Variants in DST observed in about 807,000 individuals in gnomAD.
DST encodes dystonin.
DST carries 253 observed loss-of-function variants against 875.2 expected under a neutral mutation model. The observed-to-expected ratio is 0.29, with a 90% CI of 0.26 to 0.32. The LOEUF (loss-of-function observed/expected upper bound fraction) is 0.32, where lower values mean the gene tolerates loss of function less well. DST is among the 10% of genes least tolerant of loss of function. The pLI, the probability that DST is intolerant of heterozygous loss-of-function variation, is 1.00. For missense variants in DST, 8,287 were observed against 9,111.6 expected, an observed-to-expected ratio of 0.91 and a Z score of 3.68; for synonymous variants, 3,124 against 3,197.1, an observed-to-expected ratio of 0.98 and a Z score of 0.77.
intron 3 of DST, among the ~76,000 whole-genome samples, chr6:56,870,658 G>T (rs1441800638): frequency 6.6e-6 from 1 of 151,962 alleles, no homozygotes; most frequent in Non-Finnish European, 1.5e-5. Flanking sequence ...AGCTACTCGG[G>T]AGGCTGAGGC....
At chr6:56,703,155 G>A (rs1411552907) in intron 7 of DST, among the ~76,000 whole-genome samples, 1 of 152,144 alleles carries the variant, frequency 6.6e-6, no homozygotes, top group Non-Finnish European at 1.5e-5. Flanking sequence ...ATATATTAGA[G>A]AGGTAAAACA....
At position 56,601,543 on chromosome 6, in the gene DST, G is replaced by C; in HGVS notation, c.11441C>G (p.Thr3814Arg). 1 of 1,605,238 alleles carries C rather than the reference G, an allele frequency of 6.2e-7. No individual in the cohort carries two copies. Among genetic ancestry groups the C allele is most frequent in the South Asian group, 1.1e-5 (1 of 89,588 alleles). Reference sequence around the variant, plus strand: ...TACATCAAGAAAACACTTCTGAGTTGTATTTAAGAGCCTCAGCAGTTGTTT... The same window carrying C: ...TACATCAAGAAAACACTTCTGAGTTCTATTTAAGAGCCTCAGCAGTTGTTT... ...QSKQLLRLLN[T>R]TQKCFLDVQE... The change falls in exon 44 of 104, where the codon ACA (threonine) becomes AGA (arginine). Residue 3814 changes from threonine (T) to arginine (R), a missense_variant. Transcript: ENST00000680361.
intron 69 of DST, among the ~76,000 whole-genome samples, chr6:56,518,143 G>A (rs2096631272): frequency 1.3e-5 from 2 of 152,078 alleles, no homozygotes; most frequent in Non-Finnish European, 2.9e-5. Flanking sequence ...ACCCCTAAAT[G>A]ATTCATGTAT....
chr6:56,620,993 CAAG>C (rs921652738), intron 36 of DST, among the ~76,000 whole-genome samples: 1 of 152,020 alleles, frequency 6.6e-6, no homozygotes, highest in African/African-American at 2.4e-5. Context: ...AATTTTATAG[CAAG>C]AAGGGAATTT....
In DST at chr6:56,604,683, T is replaced by A. The variant is rs780549900; in HGVS notation, c.9945A>T (p.Glu3315Asp). The change falls in exon 40 of 104, where the codon GAA (glutamate) becomes GAT (aspartate). Residue 3315 changes from glutamate to aspartate, a missense_variant. Glu to Asp is a conservative substitution (Grantham distance 45). Around this residue, in one of 10 missense-constraint regions of DST, gnomAD observed 3,138 missense variants for 3,116.6 expected, o/e 1.01. Coordinates refer to ENST00000680361, the MANE Select transcript of DST (RefSeq NM_001374736.1). ...CAATTCTTTCTTTCTTATTATTAAT[T>A]TCTAAGAATGAATAGTCAGTATTTA... ...NTLNTDYSFL[E>D]INNKKERIEQ... 3.7e-6 allele frequency: 6 copies of A among 1,611,788 alleles called. No individual in the cohort carries two copies. The Admixed American group carries it at 8.4e-5, about 22-fold the overall frequency.
At chr6:56,562,286 A>G in intron 55 of DST, 86 bp from the exon 56 acceptor site, 1 of 655,838 alleles carries the variant, frequency 1.5e-6, no homozygotes, top group Non-Finnish European at 2.3e-6. Context: ...AAACCCCATC[A>G]ACAGTAATCA....
chr6:56,911,383 T>C (rs1249867879), intron 2 of DST, among the ~76,000 whole-genome samples: 1 of 152,158 alleles, frequency 6.6e-6, no homozygotes, highest in Admixed American at 6.6e-5. Flanking sequence ...CAGACCAAAC[T>C]TTGAGTAACA....
chr6:56,792,859 G>A (rs2099730253), intron 4 of DST, among the ~76,000 whole-genome samples: 1 of 151,984 alleles, frequency 6.6e-6, no homozygotes, highest in Admixed American at 6.6e-5. Flanking sequence ...CTTGAGCTCA[G>A]GAGTTTGAGA....
chr6:56,500,844 T>G (rs1385513436), intron 80 of DST, among the ~76,000 whole-genome samples: 1 of 152,162 alleles, frequency 6.6e-6, no homozygotes, highest in Non-Finnish European at 1.5e-5. Context: ...TGCTCATCCT[T>G]GTTTTGTTTG....
intron 69 of DST, among the ~76,000 whole-genome samples, chr6:56,520,634 A>G (rs2096678287): frequency 6.6e-6 from 1 of 152,156 alleles, no homozygotes; most frequent in Admixed American, 6.6e-5. Context: ...AATTTTAATA[A>G]GACATTGTAT....
At position 56,601,641 on chromosome 6, in the gene DST, C is replaced by G. The variant is rs538767601; in HGVS notation, c.11343G>C (p.Gln3781His). 19 of 1,590,846 alleles carry G rather than the reference C, an allele frequency of 1.2e-5. No individual in the cohort carries two copies. The East Asian group carries it at 4.3e-4, about 36-fold the overall frequency. Residue 3781 changes from glutamine to histidine, a missense_variant, in exon 44 of 104, where the codon CAG (glutamine) becomes CAC (histidine). By Grantham distance (24) the Gln-to-His change is conservative (BLOSUM62 0). Coordinates refer to ENST00000680361, the MANE Select transcript of DST (RefSeq NM_001374736.1). ...GCACATCAAAGGCAGTAGTCTCCAGCTGCATTTTGGTATGTCCAAGGTCTT... is the reference window on the plus strand; with the variant it reads ...GCACATCAAAGGCAGTAGTCTCCAGGTGCATTTTGGTATGTCCAAGGTCTT... The part of the protein sequence containing the change: ...VLKDLGHTKM[Q>H]LETTAFDVQF...
Position 56,640,294 on chromosome 6 carries a change from G to A in DST, c.2339C>T (p.Ser780Leu), listed in dbSNP as rs2098880471. Residue 780 changes from serine (S) to leucine (L), a missense_variant, in exon 18 of 104, where the codon TCA becomes TTA. Physicochemically the swap from Ser to Leu is moderately radical, Grantham distance 145. Transcript: ENST00000680361. The part of the protein sequence containing the change: ...FPSGLVPNFS[S>L]GVEPNSLQTL... Reference sequence around the variant, plus strand: ...TTGCAATGAATTTGGCTCTACTCCTGAACTGAAATTTGGAACTAATCCTGA... The same window carrying A: ...TTGCAATGAATTTGGCTCTACTCCTAAACTGAAATTTGGAACTAATCCTGA... 6.2e-7 allele frequency: 1 copy of A among 1,614,022 alleles called. No individual in the cohort carries two copies. Among genetic ancestry groups the A allele is most frequent in the African/African-American group, 1.3e-5 (1 of 74,914 alleles).
chr6:56,611,126 G>C (rs1192826148), intron 38 of DST, among the ~76,000 whole-genome samples: 1 of 152,042 alleles, frequency 6.6e-6, no homozygotes, highest in East Asian at 1.9e-4. Context: ...GAGAAACGAG[G>C]CTGCCATAGG....
chr6:56,686,584 A>G (rs1261194525), intron 9 of DST, among the ~76,000 whole-genome samples: 3 of 152,198 alleles, frequency 2.0e-5, no homozygotes, highest in African/African-American at 7.2e-5. Flanking sequence ...TAACTATGGA[A>G]TTTGAAGAAT....
Position 56,651,213 on chromosome 6 carries a change from C to T in DST, c.1246G>A (p.Val416Ile), listed in dbSNP as rs1353708685. ...PDLIDMNTVAVQSNLANLEHA... is the reference protein window; with the variant it reads ...PDLIDMNTVAIQSNLANLEHA... ...TCTAAATTTGCAAGGTTGCTTTGAACAGCAACAGTATTCATATCTATCAGG... is the reference window on the plus strand; with the variant it reads ...TCTAAATTTGCAAGGTTGCTTTGAATAGCAACAGTATTCATATCTATCAGG... Residue 416 changes from valine (V) to isoleucine (I), a missense_variant, in exon 11 of 104, where the codon GTT (valine) becomes ATT (isoleucine). By Grantham distance (29) the Val-to-Ile change is conservative (BLOSUM62 3). Transcript: ENST00000680361. The T allele has an allele frequency of 2.5e-6, 4 of 1,609,990 alleles. No individual in the cohort carries two copies. Among genetic ancestry groups the T allele is most frequent in the Non-Finnish European group, 2.5e-6 (3 of 1,178,030 alleles).
At chr6:56,683,775 T>C (rs1379865209) in intron 9 of DST, among the ~76,000 whole-genome samples, 2 of 152,216 alleles carry the variant, frequency 1.3e-5, no homozygotes, top group African/African-American at 4.8e-5. Flanking sequence ...GGTTTCCAAT[T>C]AACCTCACTT....
chr6:56,930,586 A>T (rs1416957177), intron 2 of DST, among the ~76,000 whole-genome samples: 1 of 152,180 alleles, frequency 6.6e-6, no homozygotes, highest in Admixed American at 6.5e-5. Flanking sequence ...AATAAAACAG[A>T]TTCTAGACGG....
At chr6:56,757,994 A>T (rs2152958931) in intron 4 of DST, among the ~76,000 whole-genome samples, 1 of 152,308 alleles carries the variant, frequency 6.6e-6, no homozygotes, top group East Asian at 1.9e-4. Flanking sequence ...CAAACCTACT[A>T]CTAAGAGCTC....
At chr6:56,923,376 A>G (rs1805243120) in intron 2 of DST, among the ~76,000 whole-genome samples, 1 of 148,112 alleles carries the variant, frequency 6.8e-6, no homozygotes, top group Admixed American at 6.7e-5. Flanking sequence ...AGACAGAGAC[A>G]GTGATCAGAA....
Sources: allele counts gnomAD v4.1 joint callset (sites outside exome capture counted in the v4.1 genomes callset), GRCh38; gene constraint gnomAD v4.1.1; regional missense constraint gnomAD v4.1.1; transcripts MANE v1.5; gene names NCBI Gene and HGNC (gene_info 2026-07-23, HGNC 2026-07-21).